The following HMCN1 variants were observed in gnomAD, a reference collection of about 807,000 sequenced individuals.
HMCN1 encodes the protein hemicentin 1.
HMCN1 carries 321 observed loss-of-function variants against 625.9 expected under a neutral mutation model. That is an observed-to-expected ratio of 0.51 (90% CI 0.47 to 0.56). The LOEUF (loss-of-function observed/expected upper bound fraction) is 0.56. Among genes scored for constraint, HMCN1 ranks in the 20% least tolerant of loss-of-function variants. HMCN1 has a pLI of 0.00. For missense variants in HMCN1, 6,588 were observed against 6,887.3 expected (o/e 0.96, Z 1.54); for synonymous variants, 2,425 against 2,417.6 (o/e 1.00, Z -0.09).
intron 6 of HMCN1, among the ~76,000 whole-genome samples, chr1:185,917,169 C>G (rs562590805): frequency 6.6e-6 from 1 of 152,138 alleles, no homozygotes; most frequent in East Asian, 1.9e-4. Flanking sequence ...TTGAAAAATG[C>G]CAAAAATTAG....
At chr1:186,023,243 A>G in intron 36 of HMCN1, 90 bp downstream of exon 36, 1 of 1,181,938 alleles carries the variant, frequency 8.5e-7, no homozygotes, top group Non-Finnish European at 1.2e-6. Context: ...ACAGTATAAA[A>G]GAAACAGGTG....
intron 80 of HMCN1, among the ~76,000 whole-genome samples, chr1:186,120,365 C>A (rs1353922647): frequency 6.6e-6 from 1 of 152,122 alleles, no homozygotes; most frequent in East Asian, 1.9e-4. Flanking sequence ...GGCATCTAAT[C>A]CTATTTTGAA....
At chr1:185,986,134 G>C (rs990536939) in intron 19 of HMCN1, among the ~76,000 whole-genome samples, 15 of 152,110 alleles carry the variant, frequency 9.9e-5, no homozygotes, top group Admixed American at 4.6e-4. Context: ...GAGTAGCCTG[G>C]CATTGTTGTT....
At chr1:186,069,038 T>C (rs538410989) in intron 50 of HMCN1, among the ~76,000 whole-genome samples, 1 of 152,270 alleles carries the variant, frequency 6.6e-6, no homozygotes, top group South Asian at 2.1e-4. Context: ...TCCATCAGGG[T>C]AACCTGTGTG....
rs189481365 is a variant in HMCN1 at position 186,066,687 on chromosome 1, T to C, written c.7706-1147T>C. ...AAATATCTTGCAGTCCCAATTTTAA[T>C]GTTTTGTACATTTTGATCTCTTTTT... On this transcript the variant is annotated intron_variant, in intron 49 of 106. Transcript: ENST00000271588. Among the ~76,000 whole-genome samples, 295 of 152,332 alleles carry C rather than the reference T, an allele frequency of 1.9e-3. 1 individual carries two copies. The highest frequency in any genetic ancestry group is 3.4e-3 in the Non-Finnish European group (229 of 68,032).
chr1:185,872,157 G>T lies in HMCN1; in HGVS notation c.621+6294G>T, dbSNP rs184212953. ...GTGGAAAATGGAATGGAGATGTTCAGAGCCGATTCCTTAAAATAAATGTAG... is the reference window on the plus strand; with the variant it reads ...GTGGAAAATGGAATGGAGATGTTCATAGCCGATTCCTTAAAATAAATGTAG... On this transcript the variant is annotated intron_variant, in intron 4 of 106. Transcript: ENST00000271588. Among the ~76,000 whole-genome samples, 302 of 152,288 alleles carry T rather than the reference G, an allele frequency of 2.0e-3. 4 individuals are homozygous for T. Among genetic ancestry groups the T allele is most frequent in the African/African-American group, 7.1e-3 (295 of 41,556 alleles).
intron 1 of HMCN1, among the ~76,000 whole-genome samples, chr1:185,819,237 CAA>C (rs575598587): frequency 1.8e-4 from 23 of 125,010 alleles, no homozygotes; most frequent in African/African-American, 1.5e-4. Context: ...ATCTCCATCT[CAA>C]AAAAAAAAAA....
At chr1:185,882,733 G>C (rs1254927298) in intron 4 of HMCN1, among the ~76,000 whole-genome samples, 2 of 151,864 alleles carry the variant, frequency 1.3e-5, no homozygotes, top group Non-Finnish European at 2.9e-5. Context: ...CCATCACCTT[G>C]GGCTTTCAAC....
intron 11 of HMCN1, among the ~76,000 whole-genome samples, chr1:185,952,479 G>A (rs1284879462): frequency 1.3e-5 from 2 of 151,710 alleles, no homozygotes; most frequent in Admixed American, 1.3e-4. Flanking sequence ...GGGACGAGTT[G>A]CACTGGTCAC....
At chr1:185,829,401 C>T (rs1660719219) in intron 1 of HMCN1, among the ~76,000 whole-genome samples, 1 of 152,052 alleles carries the variant, frequency 6.6e-6, no homozygotes, top group Non-Finnish European at 1.5e-5. Flanking sequence ...TCTAAGTTCG[C>T]TCCCCTCACC....
rs193251872 is a variant in HMCN1, at chr1:185,853,488, C to T, written c.339+7392C>T. ...TGTTTAGTGTTGAAATTCCTTTGGG[C>T]CTGAATGAAGCATCTATTAAAACTT... On this transcript the variant is annotated intron_variant, in intron 2 of 106. Coordinates refer to ENST00000271588, the MANE Select transcript of HMCN1 (RefSeq NM_031935.3). 5.3e-5 allele frequency among the ~76,000 whole-genome samples: 8 copies of T among 152,132 alleles called. No homozygotes were observed. In the East Asian group the frequency reaches 1.5e-3, roughly 29 times the overall value.
intron 72 of HMCN1, among the ~76,000 whole-genome samples, chr1:186,113,359 A>G (rs1017457299): frequency 5.4e-4 from 83 of 152,354 alleles, no homozygotes; most frequent in African/African-American, 2.0e-3. Flanking sequence ...ATTAAGTATA[A>G]TAGCTGAATG....
At chr1:185,866,553 C>T (rs1036447810) in intron 4 of HMCN1, among the ~76,000 whole-genome samples, 3 of 151,582 alleles carry the variant, frequency 2.0e-5, no homozygotes, top group Non-Finnish European at 2.9e-5. Flanking sequence ...TACAGGCGCC[C>T]ACCACCACGC....
At chr1:185,900,520 C>G (rs548107411) in intron 4 of HMCN1, among the ~76,000 whole-genome samples, 1 of 151,846 alleles carries the variant, frequency 6.6e-6, no homozygotes, top group Admixed American at 6.6e-5. Flanking sequence ...AAGTATTTCC[C>G]AATAATTTTA....
Position 186,114,025 on chromosome 1 carries a change from A to G in HMCN1, c.11178A>G (p.Leu3726=). 6.2e-7 allele frequency: 1 copy of G among 1,614,132 alleles called. No individual in the cohort carries two copies. Among genetic ancestry groups the G allele is most frequent in the Non-Finnish European group, 8.5e-7 (1 of 1,180,000 alleles). The change falls in exon 73 of 107, where the codon TTA becomes TTG. Residue 3726 remains leucine, a synonymous_variant. Transcript: ENST00000271588. ...GCCCCCAGAGCCTTGTAATTCTTTT[A>G]AATAAGTCAACTGTATTGGAATGCA... The part of the protein sequence containing the change: ...KGGPQSLVIL[L]NKSTVLECIA...
intron 1 of HMCN1, among the ~76,000 whole-genome samples, chr1:185,805,569 T>A (rs1231062458): frequency 6.6e-6 from 1 of 152,182 alleles, no homozygotes; most frequent in South Asian, 2.1e-4. Context: ...AAAAAAGGAA[T>A]ACATGTATTC....
At chr1:185,852,531 A>T (rs2102331676) in intron 2 of HMCN1, among the ~76,000 whole-genome samples, 1 of 149,826 alleles carries the variant, frequency 6.7e-6, no homozygotes, top group African/African-American at 2.4e-5. Flanking sequence ...AAGCAGTTTT[A>T]ATTTCCATTT....
At chr1:186,001,981 T>C (rs1315651754) in intron 28 of HMCN1, among the ~76,000 whole-genome samples, 1 of 152,090 alleles carries the variant, frequency 6.6e-6, no homozygotes, top group African/African-American at 2.4e-5. Flanking sequence ...TATCAAATAC[T>C]CAAAAGTGGT....
chr1:185,976,260 T>C (rs765988209), intron 15 of HMCN1, among the ~76,000 whole-genome samples: 1 of 152,126 alleles, frequency 6.6e-6, no homozygotes, highest in Non-Finnish European at 1.5e-5. Flanking sequence ...TAACAGACAT[T>C]ACATTTGTGG....
Sources: allele counts gnomAD v4.1 joint callset (sites outside exome capture counted in the v4.1 genomes callset), GRCh38; gene constraint gnomAD v4.1.1; transcripts MANE v1.5; gene names NCBI Gene and HGNC (gene_info 2026-07-23, HGNC 2026-07-21).